The following HMBOX1 variants were observed in gnomAD, a reference collection of about 807,000 sequenced individuals.
The protein encoded by HMBOX1 is homeobox-containing protein 1.
Under a neutral mutation model 54.5 loss-of-function variants are expected in HMBOX1, and 14 were observed. The observed-to-expected ratio is 0.26, with a 90% confidence interval of 0.17 to 0.40. The LOEUF (loss-of-function observed/expected upper bound fraction) is 0.40. Among genes scored for constraint, HMBOX1 ranks in the 10% least tolerant of loss-of-function variants. The probability of loss-of-function intolerance (pLI) is 1.00; values close to 1 mark genes in which losing one functional copy is unlikely to be tolerated. For synonymous variants in HMBOX1, 160 were observed against 181.0 expected (o/e 0.88, Z 0.93); for missense variants, 332 against 514.4 (o/e 0.65, Z 3.43).
At chr8:28,890,766 T>G (rs1050309947) in intron 1 of HMBOX1, 88 bp downstream of exon 1, 2 of 152,540 alleles carry the variant, frequency 1.3e-5, no homozygotes, top group Non-Finnish European at 2.9e-5. Flanking sequence ...TTGGAGGGGT[T>G]TTGGGGAGGA....
intron 4 of HMBOX1, 126 bp downstream of exon 4, chr8:28,980,282 TGCC>T: frequency 1.4e-6 from 1 of 720,034 alleles, no homozygotes. Flanking sequence ...TAATTATGTA[TGCC>T]TGTGATTTAA....
chr8:28,999,923 A>G (rs1274781596), intron 4 of HMBOX1, among the ~76,000 whole-genome samples: 2 of 152,152 alleles, frequency 1.3e-5, no homozygotes, highest in South Asian at 2.1e-4. Flanking sequence ...TCTACTGTGT[A>G]TGAGCCATAC....
At chr8:29,001,202 G>A (rs866206429) in intron 4 of HMBOX1, among the ~76,000 whole-genome samples, 3 of 152,282 alleles carry the variant, frequency 2.0e-5, no homozygotes, top group African/African-American at 7.2e-5. Flanking sequence ...CAATTAGCCT[G>A]TGCTGTTAAA....
intron 4 of HMBOX1, among the ~76,000 whole-genome samples, chr8:28,993,937 G>A (rs1831376648): frequency 6.6e-6 from 1 of 152,176 alleles, no homozygotes; most frequent in African/African-American, 2.4e-5. Flanking sequence ...GGGAGACTGA[G>A]GTGGGCAGAT....
chr8:28,939,334 C>T (rs1820947427), intron 1 of HMBOX1, among the ~76,000 whole-genome samples: 1 of 151,800 alleles, frequency 6.6e-6, no homozygotes, highest in South Asian at 2.1e-4. Context: ...ATGATATCAC[C>T]CTCTAGAATG....
At chr8:28,947,495 G>A (rs1822679905) in intron 1 of HMBOX1, among the ~76,000 whole-genome samples, 1 of 152,154 alleles carries the variant, frequency 6.6e-6, no homozygotes, top group South Asian at 2.1e-4. Flanking sequence ...TCGCTACCTA[G>A]TAAATTGACT....
At chr8:28,902,588 C>A (rs1813443250) in intron 1 of HMBOX1, among the ~76,000 whole-genome samples, 1 of 152,192 alleles carries the variant, frequency 6.6e-6, no homozygotes, top group African/African-American at 2.4e-5. Context: ...ATCTCCCTGT[C>A]TCTGTGTGGT....
At chr8:29,039,439 A>G (rs562979492) in intron 6 of HMBOX1, among the ~76,000 whole-genome samples, 2 of 152,330 alleles carry the variant, frequency 1.3e-5, no homozygotes, top group South Asian at 4.1e-4. Flanking sequence ...CTTAGAGAAG[A>G]TAATTGTACA....
intron 5 of HMBOX1, among the ~76,000 whole-genome samples, chr8:29,015,271 T>C (rs1834832997): frequency 6.6e-6 from 1 of 152,206 alleles, no homozygotes; most frequent in Non-Finnish European, 1.5e-5. Flanking sequence ...CTCTGCTTAC[T>C]AAGGAGCATG....
At chr8:28,996,263 C>A (rs1158280866) in intron 4 of HMBOX1, among the ~76,000 whole-genome samples, 2 of 131,730 alleles carry the variant, frequency 1.5e-5, no homozygotes, top group Non-Finnish European at 3.5e-5. Context: ...TATGTAAGTT[C>A]ATATACAAGT....
At chr8:29,005,606 T>C (rs1284976216) in intron 4 of HMBOX1, among the ~76,000 whole-genome samples, 2 of 152,164 alleles carry the variant, frequency 1.3e-5, no homozygotes, top group Non-Finnish European at 2.9e-5. Flanking sequence ...CACAGAAAAC[T>C]GTCCAGCTTA....
chr8:29,003,542 T>C (rs1243400506), intron 4 of HMBOX1, among the ~76,000 whole-genome samples: 1 of 48,758 alleles, frequency 2.1e-5, no homozygotes, highest in Non-Finnish European at 4.3e-5. Context: ...CTGTATTAAA[T>C]TTTTCTGTAT....
chr8:29,019,040 T>TTAG, intron 6 of HMBOX1, 127 bp downstream of exon 6: 5 of 711,480 alleles, frequency 7.0e-6, no homozygotes, highest in Non-Finnish European at 1.2e-5. Context: ...AAAAGTACTT[T>TTAG]AGAATATCAT....
chr8:29,035,294 C>T (rs1272525212), intron 6 of HMBOX1, among the ~76,000 whole-genome samples: 1 of 152,068 alleles, frequency 6.6e-6, no homozygotes, highest in Non-Finnish European at 1.5e-5. Flanking sequence ...TGTTGATCTC[C>T]ATGTTATAAT....
chr8:28,981,794 C>A (rs1829377061), intron 4 of HMBOX1, among the ~76,000 whole-genome samples: 1 of 151,986 alleles, frequency 6.6e-6, no homozygotes, highest in Non-Finnish European at 1.5e-5. Flanking sequence ...ATGGAATAAA[C>A]CATAATGGGT....
intron 1 of HMBOX1, among the ~76,000 whole-genome samples, chr8:28,956,646 T>A (rs1055200715): frequency 6.6e-6 from 1 of 152,196 alleles, no homozygotes; most frequent in Non-Finnish European, 1.5e-5. Flanking sequence ...ATAATTAAGA[T>A]CTTTATTCTG....
chr8:28,903,293 G>C (rs548616288), intron 1 of HMBOX1, among the ~76,000 whole-genome samples: 15 of 152,358 alleles, frequency 9.8e-5, no homozygotes, highest in Non-Finnish European at 1.8e-4. Flanking sequence ...GATGCCACTT[G>C]TGGCCTTTGA....
intron 1 of HMBOX1, among the ~76,000 whole-genome samples, chr8:28,925,873 T>G (rs2131842194): frequency 6.6e-6 from 1 of 152,328 alleles, no homozygotes; most frequent in South Asian, 2.1e-4. Context: ...TCTACTACTT[T>G]TAGACACTTG....
At chr8:28,893,261 A>C (rs1266959249) in intron 1 of HMBOX1, among the ~76,000 whole-genome samples, 2 of 152,208 alleles carry the variant, frequency 1.3e-5, no homozygotes, top group African/African-American at 2.4e-5. Context: ...CCTTTACTGC[A>C]GGTTAAAGCA....
Sources: gnomAD v4.1 joint callset for allele counts (sites outside exome capture counted in the v4.1 genomes callset) on GRCh38, gnomAD v4.1.1 for gene constraint, MANE v1.5 for transcripts, NCBI Gene and HGNC (gene_info 2026-07-23, HGNC 2026-07-21) for gene names.